EEIG1: variants seen among roughly 807,000 people sequenced by gnomAD.
EEIG1 encodes estrogen-induced osteoclastogenesis regulator 1.
At chr9:127,955,770 G>A in the EEIG1 span, among the ~76,000 whole-genome samples, 1 of 152,228 alleles carries the variant, frequency 6.6e-6, no homozygotes, top group East Asian at 1.9e-4. Context: ...CACTTTCTAT[G>A]AGGAGCCCCC....
At chr9:127,966,173 C>G in the EEIG1 span, among the ~76,000 whole-genome samples, 1 of 152,152 alleles carries the variant, frequency 6.6e-6, no homozygotes, top group Non-Finnish European at 1.5e-5. Context: ...GGCATGGGCA[C>G]AGGGTGGAGG....
the EEIG1 span, chr9:127,945,316 C>T: frequency 7.2e-7 from 1 of 1,384,028 alleles, no homozygotes. The surrounding 1 kb of genome is among the most constrained non-coding windows in gnomAD (Gnocchi z 6.5). Context: ...AGGTTCAAGG[C>T]ACCACCGGGA....
the EEIG1 span, chr9:127,980,164 C>T: frequency 6.3e-7 from 1 of 1,598,442 alleles, no homozygotes; most frequent in Admixed American, 1.8e-5. Context: ...TCTGAAGCCC[C>T]GAAGGCGAAA....
chr9:127,953,674 A>G, the EEIG1 span: 1 of 1,599,504 alleles, frequency 6.3e-7, no homozygotes, highest in Non-Finnish European at 8.6e-7. Context: ...ATCTCCCACA[A>G]TCCCCCCAGA....
At chr9:127,946,555 G>C in the EEIG1 span, among the ~76,000 whole-genome samples, 1 of 152,204 alleles carries the variant, frequency 6.6e-6, no homozygotes, top group African/African-American at 2.4e-5. Context: ...AGAGGCAAGT[G>C]GGCACTCAAG....
At chr9:127,953,518 C>A in the EEIG1 span, 7 of 1,542,632 alleles carry the variant, frequency 4.5e-6, no homozygotes, top group South Asian at 5.6e-5. Context: ...TTCCCTTGTG[C>A]CTGTCCCATG....
At chr9:127,980,288 C>T in the EEIG1 span, 1 of 868,774 alleles carries the variant, frequency 1.2e-6, no homozygotes, top group Non-Finnish European at 1.7e-6. Context: ...GTCCGGGGCC[C>T]CAGGTCTGAG....
chr9:127,945,026 C>T, the EEIG1 span: 1 of 1,146,380 alleles, frequency 8.7e-7, no homozygotes, highest in Non-Finnish European at 1.2e-6. The surrounding 1 kb of genome is among the most constrained non-coding windows in gnomAD (Gnocchi z 6.5). Context: ...CCGTGCTGTA[C>T]TTCACTGAAA....
the EEIG1 span, among the ~76,000 whole-genome samples, chr9:127,947,485 G>A: frequency 1.1e-4 from 17 of 152,116 alleles, no homozygotes; most frequent in Non-Finnish European, 2.2e-4. Flanking sequence ...ACCATGTGCT[G>A]GGCAGGTGCC....
the EEIG1 span, among the ~76,000 whole-genome samples, chr9:127,971,600 A>C: frequency 6.6e-6 from 1 of 152,066 alleles, no homozygotes; most frequent in African/African-American, 2.4e-5. Context: ...CCACACCAGC[A>C]CTCACACTGG....
At chr9:127,972,267 A>C in the EEIG1 span, among the ~76,000 whole-genome samples, 1,931 of 152,052 alleles carry the variant, frequency 0.013, 120 homozygotes, top group East Asian at 0.2. This position sits in a 1 kb window ranked among gnomAD's most constrained non-coding sequence, Gnocchi z 4.3. Context: ...CCCACTGGGG[A>C]CCCTGAGCTC....
chr9:127,967,527 G>C, the EEIG1 span, among the ~76,000 whole-genome samples: 2 of 152,262 alleles, frequency 1.3e-5, no homozygotes, highest in African/African-American at 4.8e-5. Flanking sequence ...GACCCCAGCA[G>C]TTCAAAGCAA....
chr9:127,968,237 G>A, the EEIG1 span, among the ~76,000 whole-genome samples: 388 of 152,152 alleles, frequency 2.6e-3, 1 homozygote, highest in Middle Eastern at 0.017. Flanking sequence ...AGGAGGAAGG[G>A]GAGAGAGAGG....
chr9:127,950,063 C>T, the EEIG1 span, among the ~76,000 whole-genome samples: 1 of 152,214 alleles, frequency 6.6e-6, no homozygotes, highest in Non-Finnish European at 1.5e-5. Context: ...GCCTTAACTC[C>T]CTCCCATTTG....
the EEIG1 span, among the ~76,000 whole-genome samples, chr9:127,946,809 C>T: frequency 1.3e-5 from 2 of 152,148 alleles, 1 homozygote; most frequent in South Asian, 4.1e-4. Context: ...GCTCTCAGTT[C>T]CCAGAGGCAG....
the EEIG1 span, chr9:127,944,965 C>A: frequency 6.4e-7 from 1 of 1,555,812 alleles, no homozygotes; most frequent in Non-Finnish European, 8.7e-7. Flanking sequence ...CACAGAACGA[C>A]GACAATAATG....
At chr9:127,943,532 A>G in the EEIG1 span, 2 of 453,238 alleles carry the variant, frequency 4.4e-6, no homozygotes, top group Non-Finnish European at 8.1e-6. Flanking sequence ...TTGACAGGTG[A>G]AGAAACTGAG....
the EEIG1 span, among the ~76,000 whole-genome samples, chr9:127,976,723 G>C: frequency 6.6e-6 from 1 of 152,194 alleles, no homozygotes; most frequent in Non-Finnish European, 1.5e-5. This position sits in a 1 kb window ranked among gnomAD's most constrained non-coding sequence, Gnocchi z 4.1. Context: ...TGTTGCCAAG[G>C]CACCCAGCAC....
At chr9:127,954,245 T>A in the EEIG1 span, among the ~76,000 whole-genome samples, 1 of 152,220 alleles carries the variant, frequency 6.6e-6, no homozygotes, top group African/African-American at 2.4e-5. Context: ...CACCTTGCTC[T>A]GAGACCTTGG....
Sources: allele counts gnomAD v4.1 joint callset (sites outside exome capture counted in the v4.1 genomes callset), GRCh38; gene constraint gnomAD v4.1.1; non-coding constraint Gnocchi (gnomAD v3.1); transcripts MANE v1.5; gene names NCBI Gene and HGNC (gene_info 2026-07-23, HGNC 2026-07-21).